Variants in DHX57 observed in about 807,000 individuals in gnomAD.
The protein encoded by DHX57 is DExH-box helicase 57.
DHX57 carries 105 observed loss-of-function variants against 156.2 expected under a neutral mutation model. That is an observed-to-expected ratio of 0.67 (90% confidence interval 0.57 to 0.79). DHX57 has a LOEUF of 0.79. Among genes scored for constraint, DHX57 ranks in the 30% least tolerant of loss-of-function variants. The pLI, the probability that DHX57 is intolerant of heterozygous loss-of-function variation, is 0.00. For synonymous variants in DHX57, 704 were observed against 595.6 expected (o/e 1.18, Z -2.65); for missense variants, 1,847 against 1,661.9 (o/e 1.11, Z -1.94).
In DHX57 at chr2:38,861,762, A is replaced by T; in HGVS notation, c.648T>A (p.His216Gln). The part of the protein sequence containing the change: ...CDGDVGASLE[H>Q]LLTQCFSETF... ...TCTCTGAAAAACACTGGGTAAGGAG[A>T]TGCTCTAGTGATGCTCCCACATCTC... The change falls in exon 5 of 24, where the codon CAT becomes CAA. Residue 216 changes from histidine (H) to glutamine (Q), a missense_variant. Coordinates refer to ENST00000457308, the MANE Select transcript of DHX57 (RefSeq NM_198963.3). 6.2e-7 allele frequency: 1 copy of T among 1,614,110 alleles called. No individual in the cohort carries two copies. Among genetic ancestry groups the T allele is most frequent in the Non-Finnish European group, 8.5e-7 (1 of 1,180,010 alleles).
At chr2:38,807,784 A>G (rs950046162) in intron 21 of DHX57, among the ~76,000 whole-genome samples, 3 of 151,024 alleles carry the variant, frequency 2.0e-5, no homozygotes, top group African/African-American at 7.3e-5. Flanking sequence ...AGTAGCTGGG[A>G]TTACAGGCAT....
chr2:38,811,160 G>A, intron 21 of DHX57: 1 of 515,782 alleles, frequency 1.9e-6, no homozygotes, highest in Non-Finnish European at 3.6e-6. Context: ...CAGAGTGACT[G>A]GGATGGGAAT....
chr2:38,807,083 C>G (rs1205302149), intron 21 of DHX57, among the ~76,000 whole-genome samples: 2 of 151,290 alleles, frequency 1.3e-5, no homozygotes, highest in Non-Finnish European at 2.9e-5. Context: ...GAGACCGAGT[C>G]TCACTCTGTC....
In DHX57 at chr2:38,833,229, G is replaced by A. The variant is rs531046862; in HGVS notation, c.2542+4602C>T. 2.8e-4 allele frequency among the ~76,000 whole-genome samples: 42 copies of A among 151,862 alleles called. No individual in the cohort carries two copies. The East Asian group carries it at 3.3e-3, about 12-fold the overall frequency. On this transcript the variant is annotated intron_variant, in intron 13 of 23. Coordinates refer to ENST00000457308, the MANE Select transcript of DHX57 (RefSeq NM_198963.3). Reference sequence around the variant, plus strand: ...GCGATCTTGGCTCACTGCAACCTCCGCCTCCTGGGTTCAAGAGATTCTCCT... The same window carrying A: ...GCGATCTTGGCTCACTGCAACCTCCACCTCCTGGGTTCAAGAGATTCTCCT...
chr2:38,855,517 G>C (rs751216639), intron 7 of DHX57, among the ~76,000 whole-genome samples: 1 of 152,150 alleles, frequency 6.6e-6, no homozygotes, highest in Non-Finnish European at 1.5e-5. Context: ...ATTAAGGTCT[G>C]TAAATGCTTC....
rs146563543 is a variant in DHX57, at chr2:38,826,853, G to A, written c.2640-164C>T. On this transcript the variant is annotated intron_variant, in intron 14 of 23. Transcript: ENST00000457308. Reference sequence around the variant, plus strand: ...TCTTCTACATAGTAAAGTCTTGGCCGGGTACGGTGGCTCACACCTGTAATC... The same window carrying A: ...TCTTCTACATAGTAAAGTCTTGGCCAGGTACGGTGGCTCACACCTGTAATC... 2.8e-3 allele frequency among the ~76,000 whole-genome samples: 427 copies of A among 152,276 alleles called. 3 individuals are homozygous for A. The highest frequency in any genetic ancestry group is 0.01 in the Middle Eastern group (3 of 294).
chr2:38,861,132 C>G lies in DHX57; in HGVS notation c.1278G>C (p.Thr426=). The G allele has an allele frequency of 6.2e-7, 1 of 1,614,160 alleles. No individual in the cohort carries two copies. Among genetic ancestry groups the G allele is most frequent in the Non-Finnish European group, 8.5e-7 (1 of 1,180,030 alleles). The change falls in exon 5 of 24, where the codon ACG becomes ACC. Residue 426 remains threonine (T), a synonymous_variant. Coordinates refer to ENST00000457308, the MANE Select transcript of DHX57 (RefSeq NM_198963.3). ...EEESEIVKLL[T]NTHHKYSDPP... Reference sequence around the variant, plus strand: ...GGTCACTATACTTGTGGTGGGTATTCGTTAGTAACTTGACTATTTCCGACT... The same window carrying G: ...GGTCACTATACTTGTGGTGGGTATTGGTTAGTAACTTGACTATTTCCGACT...
intron 23 of DHX57, among the ~76,000 whole-genome samples, chr2:38,800,562 C>T (rs943937026): frequency 1.3e-5 from 2 of 152,112 alleles, no homozygotes; most frequent in African/African-American, 2.4e-5. Context: ...TGAGCCCTGC[C>T]AGGGTGAATG....
chr2:38,853,793 A>G (rs1185656444), intron 9 of DHX57: 1 of 231,850 alleles, frequency 4.3e-6, no homozygotes, highest in Non-Finnish European at 8.4e-6. Context: ...TCAACTTAGC[A>G]TAATGCCCAG....
In DHX57 at chr2:38,799,327, T is replaced by C. The variant is rs141372275; in HGVS notation, c.4018-885A>G. On this transcript the variant is annotated intron_variant, in intron 23 of 23. Coordinates refer to ENST00000457308, the MANE Select transcript of DHX57 (RefSeq NM_198963.3). Reference sequence around the variant, plus strand: ...GTTGCGGTGAGCCAAGATTGCGCCATTGCACTCTAGCCTGGGCAACAAGAG... The same window carrying C: ...GTTGCGGTGAGCCAAGATTGCGCCACTGCACTCTAGCCTGGGCAACAAGAG... 3.1e-3 allele frequency among the ~76,000 whole-genome samples: 467 copies of C among 150,614 alleles called. 3 individuals are homozygous for C. Among genetic ancestry groups the C allele is most frequent in the East Asian group, 0.024 (124 of 5,062 alleles).
chr2:38,855,955 T>C (rs1672874438), intron 7 of DHX57, among the ~76,000 whole-genome samples: 1 of 151,952 alleles, frequency 6.6e-6, no homozygotes, highest in South Asian at 2.1e-4. Context: ...CAAAAATTAG[T>C]TGGGTATGGT....
chr2:38,835,619 C>T (rs1671610590), intron 13 of DHX57, among the ~76,000 whole-genome samples: 2 of 152,084 alleles, frequency 1.3e-5, no homozygotes, highest in Non-Finnish European at 2.9e-5. Flanking sequence ...TCATGAGGAC[C>T]TTTAAGGCTC....
chr2:38,828,737 A>C (rs1054137142), intron 13 of DHX57, among the ~76,000 whole-genome samples: 1 of 151,638 alleles, frequency 6.6e-6, no homozygotes, highest in Admixed American at 6.6e-5. Context: ...AAAAAAAAAA[A>C]GAGAAATTTT....
At chr2:38,855,722 A>C (rs1367853836) in intron 7 of DHX57, among the ~76,000 whole-genome samples, 1 of 152,186 alleles carries the variant, frequency 6.6e-6, no homozygotes, top group Non-Finnish European at 1.5e-5. Flanking sequence ...TGAATAAATA[A>C]ATGAAGTCTG....
intron 13 of DHX57, among the ~76,000 whole-genome samples, chr2:38,829,635 T>A (rs1671282893): frequency 6.6e-6 from 1 of 152,090 alleles, no homozygotes; most frequent in African/African-American, 2.4e-5. Context: ...CCAAGGATGG[T>A]CTTGAACTCT....
At chr2:38,873,871 G>T (rs1056614466) in intron 1 of DHX57, among the ~76,000 whole-genome samples, 2 of 152,078 alleles carry the variant, frequency 1.3e-5, no homozygotes, top group African/African-American at 2.4e-5. Context: ...GTTGGGTAAG[G>T]CCTCTTTGAG....
At chr2:38,827,219 C>A (rs568908261) in intron 14 of DHX57, among the ~76,000 whole-genome samples, 1 of 151,750 alleles carries the variant, frequency 6.6e-6, no homozygotes, top group African/African-American at 2.4e-5. Context: ...AACCAAAAAC[C>A]TCATACCAAC....
chr2:38,799,371 AAAAG>A (rs1426919708), intron 23 of DHX57, among the ~76,000 whole-genome samples: 1 of 150,634 alleles, frequency 6.6e-6, no homozygotes. Context: ...CGTTTCAAAA[AAAAG>A]AAAAAAAAAG....
chr2:38,849,324 G>A (rs896738160), intron 9 of DHX57, among the ~76,000 whole-genome samples: 4 of 152,128 alleles, frequency 2.6e-5, no homozygotes, highest in African/African-American at 9.7e-5. Context: ...TAGTATGCAC[G>A]GCAGAATAAC....
Sources: allele counts gnomAD v4.1 joint callset (sites outside exome capture counted in the v4.1 genomes callset), GRCh38; gene constraint gnomAD v4.1.1; transcripts MANE v1.5; gene names NCBI Gene and HGNC (gene_info 2026-07-23, HGNC 2026-07-21).